The following DIDO1 variants were observed in gnomAD, a reference collection of about 807,000 sequenced individuals.
The protein encoded by DIDO1 is death-inducer obliterator 1.
A neutral mutation model predicts 99.4 loss-of-function variants in DIDO1; 16 were observed. That is an observed-to-expected ratio of 0.16 (90% CI 0.11 to 0.24). The LOEUF is 0.24. DIDO1 is among the 10% of genes least tolerant of loss of function. The pLI, the probability that DIDO1 is intolerant of heterozygous loss-of-function variation, is 1.00. For missense variants in DIDO1, 2,996 were observed against 3,014.0 expected, an observed-to-expected ratio of 0.99 and a Z score of 0.14; for synonymous variants, 1,366 against 1,239.1, an observed-to-expected ratio of 1.10 and a Z score of -2.15.
At chr20:62,912,996 C>T (rs1231381206) in intron 2 of DIDO1, among the ~76,000 whole-genome samples, 1 of 152,232 alleles carries the variant, frequency 6.6e-6, no homozygotes, top group Non-Finnish European at 1.5e-5. Flanking sequence ...CGCACCACTG[C>T]ACTCCAGCCT....
chr20:62,929,692 A>AAAAAAAAAAAAAAAAATATATATAT, upstream of DIDO1, among the ~76,000 whole-genome samples: 6 of 63,708 alleles, frequency 9.4e-5, no homozygotes, highest in African/African-American at 4.6e-4. Context: ...AAAAAGAAAA[A>AAAAAAAAAAAAAAAAATATATATAT]GTGTATATAT....
chr20:62,898,566 A>T (rs1389303487), intron 6 of DIDO1, among the ~76,000 whole-genome samples: 1 of 152,200 alleles, frequency 6.6e-6, no homozygotes, highest in Non-Finnish European at 1.5e-5. Context: ...TAACTAAGTA[A>T]AGGCAAATCC....
rs1462300007 is a variant in DIDO1 at position 62,914,276 on chromosome 20, G to A, written c.-69C>T. 1 of 152,168 alleles carries A rather than the reference G, an allele frequency of 6.6e-6. No individual in the cohort carries two copies. Among genetic ancestry groups the A allele is most frequent in the African/African-American group, 2.4e-5 (1 of 41,418 alleles). 9.4% of individuals were successfully genotyped at this position (152,168 alleles called of 1,614,324 possible). ...CTAAATACAACCAAAAACCCTGGCA[G>A]ACGAAACCTCTGGGTCCAAGCAGAC... is the stretch of plus-strand genomic sequence containing the variant. On this transcript the variant is annotated 5_prime_UTR_variant, in exon 2 of 16. Transcript: ENST00000395343.
intron 1 of DIDO1, among the ~76,000 whole-genome samples, chr20:62,921,052 C>T (rs1438955489): frequency 6.6e-6 from 1 of 152,086 alleles, no homozygotes; most frequent in Non-Finnish European, 1.5e-5. Flanking sequence ...TGCCACCATG[C>T]CGAGTTATTT....
At chr20:62,888,689 A>C (rs752702377) in intron 15 of DIDO1, 4 of 985,482 alleles carry the variant, frequency 4.1e-6, no homozygotes, top group Non-Finnish European at 4.8e-6. Context: ...CACGCACTAC[A>C]CATTTACACC....
upstream of DIDO1, among the ~76,000 whole-genome samples, chr20:62,930,154 C>T (rs1470205826): frequency 1.3e-5 from 2 of 151,836 alleles, no homozygotes; most frequent in Non-Finnish European, 2.9e-5. Flanking sequence ...GTAGGAGAAT[C>T]GCTTGAACCC....
chr20:62,904,879 ATCT>A (rs2064766639), intron 6 of DIDO1: 1 of 629,382 alleles, frequency 1.6e-6, no homozygotes. Context: ...CCCTTAGGGA[ATCT>A]GCTCAAAGTC....
intron 1 of DIDO1, among the ~76,000 whole-genome samples, 193 bp downstream of exon 1, chr20:62,926,246 C>CCCCGCCCGCTCGCCCGCCCG (rs1455139600): frequency 9.6e-6 from 1 of 104,586 alleles, no homozygotes; most frequent in Non-Finnish European, 1.8e-5. Flanking sequence ...CTCTGACCGG[C>CCCCGCCCGCTCGCCCGCCCG]CCCGCCCGCT....
chr20:62,906,028 C>T lies in DIDO1; in HGVS notation c.1447G>A (p.Val483Met), dbSNP rs764910834. ...EKKETTVKKA[V>M]VVPARSEALG... ...GCTTCACTCCGCGCAGGGACCACCA[C>T]TGCCTTCTTCACTGTGGTCTCTTTT... is the stretch of plus-strand genomic sequence containing the variant. Residue 483 changes from valine to methionine, a missense_variant, in exon 6 of 16, where the codon GTG becomes ATG. Transcript: ENST00000395343. 1.2e-5 allele frequency: 19 copies of T among 1,613,884 alleles called. No homozygotes were observed. The highest frequency in any genetic ancestry group is 1.6e-5 in the Non-Finnish European group (19 of 1,180,048).
chr20:62,881,725 C>G lies in DIDO1; in HGVS notation c.4231G>C (p.Glu1411Gln). Residue 1411 changes from glutamate (E) to glutamine (Q), a missense_variant, in exon 16 of 16, where the codon GAA (glutamate) becomes CAA (glutamine). By Grantham distance (29) the Glu-to-Gln change is conservative (BLOSUM62 2). Coordinates refer to ENST00000395343, the MANE Select transcript of DIDO1 (RefSeq NM_001193369.2). This position sits in a 1 kb window ranked among gnomAD's most constrained non-coding sequence, Gnocchi z 8.3. ...GCTGCAGCTGCTTCAGGAGCCCTTTCCACCTCGTGGCGCCGCCCTCGCTCC... is the reference window on the plus strand; with the variant it reads ...GCTGCAGCTGCTTCAGGAGCCCTTTGCACCTCGTGGCGCCGCCCTCGCTCC... Reference protein sequence around the residue: ...LVERGRRHEVERAPEAAAAER... With the variant: ...LVERGRRHEVQRAPEAAAAER... The G allele has an allele frequency of 6.2e-7, 1 of 1,613,004 alleles. No individual in the cohort carries two copies. Among genetic ancestry groups the G allele is most frequent in the South Asian group, 1.1e-5 (1 of 91,086 alleles).
chr20:62,881,836 T>G lies in DIDO1; in HGVS notation c.4120A>C (p.Lys1374Gln). Reference protein sequence around the residue: ...VQQFGQFSKDKALEEEEDDRP... With the variant: ...VQQFGQFSKDQALEEEEDDRP... Reference sequence around the variant, plus strand: ...TCGTCCTCCTCTTCCTCTAGAGCCTTATCTTTTGAGAACTGACCGAACTGC... The same window carrying G: ...TCGTCCTCCTCTTCCTCTAGAGCCTGATCTTTTGAGAACTGACCGAACTGC... The change falls in exon 16 of 16, where the codon AAG (lysine) becomes CAG (glutamine). Residue 1374 changes from lysine (K) to glutamine (Q), a missense_variant. This residue lies in a region of DIDO1 where 1,562 missense variants were observed against 1,412.6 expected (regional missense o/e 1.11). Coordinates refer to ENST00000395343, the MANE Select transcript of DIDO1 (RefSeq NM_001193369.2). This position sits in a 1 kb window ranked among gnomAD's most constrained non-coding sequence, Gnocchi z 8.3. The G allele has an allele frequency of 6.2e-7, 1 of 1,613,544 alleles. No homozygotes were observed.
Position 62,907,337 on chromosome 20 carries a change from G to A in DIDO1, c.1184C>T (p.Ser395Leu). 6.2e-7 allele frequency: 1 copy of A among 1,614,044 alleles called. No individual in the cohort carries two copies. Among genetic ancestry groups the A allele is most frequent in the Non-Finnish European group, 8.5e-7 (1 of 1,180,046 alleles). Residue 395 changes from serine to leucine, a missense_variant, in exon 5 of 16, where the codon TCA (serine) becomes TTA (leucine). By Grantham distance (145) the Ser-to-Leu change is moderately radical. Transcript: ENST00000395343. ...ACAGCACCCGGGGCCAATACATTTT[G>A]AGGCACCAGGCGCCTCTATCACCTG... Reference protein sequence around the residue: ...FQPVIEAPGASKCIGPGCCHV... With the variant: ...FQPVIEAPGALKCIGPGCCHV...
intron 6 of DIDO1, among the ~76,000 whole-genome samples, chr20:62,903,900 A>C (rs2064742116): frequency 6.6e-6 from 1 of 152,156 alleles, no homozygotes; most frequent in Non-Finnish European, 1.5e-5. Flanking sequence ...CTATGGGCAG[A>C]AGAGCAGCCT....
At chr20:62,910,121 A>G (rs2064897029) in intron 3 of DIDO1, 101 bp from the exon 4 acceptor site, 2 of 1,257,394 alleles carry the variant, frequency 1.6e-6, no homozygotes, top group Non-Finnish European at 2.2e-6. Context: ...AAAAAATGCA[A>G]ATATACAGAA....
Position 62,909,906 on chromosome 20 carries a change from G to A in DIDO1, c.954C>T (p.Asn318=), listed in dbSNP as rs776399902. Residue 318 remains asparagine, a synonymous_variant, in exon 4 of 16, where the codon AAC becomes AAT. Transcript: ENST00000395343. ...ERNGEDYICP[N]CTILQVQDET... is the part of the protein sequence containing the mutation. ...CATCCTGCACTTGCAGAATGGTGCA[G>A]TTTGGGCAGATATAGTCTTCCCCAT... is the stretch of plus-strand genomic sequence containing the variant. 2 of 1,614,190 alleles carry A rather than the reference G, an allele frequency of 1.2e-6. No homozygotes were observed. Among genetic ancestry groups the A allele is most frequent in the Non-Finnish European group, 1.7e-6 (2 of 1,180,044 alleles).
chr20:62,889,032 T>A, intron 15 of DIDO1: 1 of 985,472 alleles, frequency 1.0e-6, no homozygotes, highest in Non-Finnish European at 1.2e-6. Flanking sequence ...CTTTTGTGTG[T>A]CCCCGTCAGG....
upstream of DIDO1, among the ~76,000 whole-genome samples, chr20:62,927,319 C>T (rs1408428855): frequency 6.6e-6 from 1 of 152,220 alleles, no homozygotes; most frequent in Admixed American, 6.5e-5. Context: ...TAGACACTTA[C>T]TATCAAGAGA....
intron 1 of DIDO1, among the ~76,000 whole-genome samples, chr20:62,922,183 T>C (rs2065163224): frequency 1.5e-5 from 2 of 134,506 alleles, no homozygotes; most frequent in Non-Finnish European, 3.2e-5. Flanking sequence ...TTTATATGTA[T>C]GTGTGTGTGT....
At chr20:62,933,965 AGCTT>A (rs1367203114) in intron 1 of DIDO1, among the ~76,000 whole-genome samples, 1 of 152,188 alleles carries the variant, frequency 6.6e-6, no homozygotes, top group Non-Finnish European at 1.5e-5. Flanking sequence ...CCACCACCTC[AGCTT>A]GCAAGACACT....
Sources: gnomAD v4.1 joint callset for allele counts (sites outside exome capture counted in the v4.1 genomes callset) on GRCh38, gnomAD v4.1.1 for gene constraint, gnomAD v4.1.1 regional missense constraint, Gnocchi (gnomAD v3.1) non-coding constraint, MANE v1.5 for transcripts, NCBI Gene and HGNC (gene_info 2026-07-23, HGNC 2026-07-21) for gene names.